POP7: variants seen among roughly 807,000 people sequenced by gnomAD.
POP7 encodes the protein POP7 ribonuclease P/MRP subunit.
In POP7, 5 loss-of-function variants were observed where a neutral mutation model predicts 7.5. The observed-to-expected ratio is 0.66, with a 90% CI of 0.35 to 1.40. The LOEUF (loss-of-function observed/expected upper bound fraction) is 1.40. Ranked by LOEUF, POP7 falls within the 40% of genes most tolerant of loss-of-function variation. The probability of loss-of-function intolerance (pLI) is 0.04; values close to 1 mark genes in which losing one functional copy is unlikely to be tolerated. For synonymous variants in POP7, 85 were observed against 81.6 expected, an observed-to-expected ratio of 1.04 and a Z score of -0.23; for missense variants, 170 against 189.1, an observed-to-expected ratio of 0.90 and a Z score of 0.59.
Position 100,707,139 on chromosome 7 carries a change from C to T in POP7, c.309C>T (p.Ser103=), listed in dbSNP as rs1488813207. The T allele has an allele frequency of 1.2e-6, 2 of 1,614,200 alleles. No homozygotes were observed. Among genetic ancestry groups the T allele is most frequent in the South Asian group, 2.2e-5 (2 of 91,088 alleles). Residue 103 remains serine (S), a synonymous_variant, in exon 2 of 2, where the codon TCC becomes TCT. Coordinates refer to ENST00000303151, the MANE Select transcript of POP7 (RefSeq NM_005837.3). ...CCTTGCAGGTGGCTGCCAATACCTC[C>T]ACCGTGGAGCTTGTTGATGAGCTGG... ...FGSLQVAANT[S]TVELVDELEP...
At chr7:100,706,764 T>C in intron 1 of POP7, 57 bp from the exon 2 acceptor site, 1 of 1,537,324 alleles carries the variant, frequency 6.5e-7, no homozygotes, top group Middle Eastern at 2.2e-4. Flanking sequence ...GGAAAAGGGG[T>C]AGGAAAGGCT....
Position 100,707,166 on chromosome 7 carries a change from G to C in POP7, c.336G>C (p.Glu112Asp). 6.2e-7 allele frequency: 1 copy of C among 1,614,218 alleles called. No individual in the cohort carries two copies. Among genetic ancestry groups the C allele is most frequent in the South Asian group, 1.1e-5 (1 of 91,086 alleles). Reference protein sequence around the residue: ...TSTVELVDELEPETDTREPLT... With the variant: ...TSTVELVDELDPETDTREPLT... Reference sequence around the variant, plus strand: ...CCGTGGAGCTTGTTGATGAGCTGGAGCCAGAGACCGACACACGGGAGCCAC... The same window carrying C: ...CCGTGGAGCTTGTTGATGAGCTGGACCCAGAGACCGACACACGGGAGCCAC... Residue 112 changes from glutamate to aspartate, a missense_variant, in exon 2 of 2, where the codon GAG becomes GAC. Transcript: ENST00000303151.
rs150880640 is a variant in POP7 at position 100,707,112 on chromosome 7, G to T, written c.282G>T (p.Gly94=). The T allele has an allele frequency of 1.2e-4, 189 of 1,614,010 alleles. 1 individual carries two copies. The highest frequency in any genetic ancestry group is 3.0e-4 in the Admixed American group (18 of 59,998). ...TGCAGCTGCAGGCGGGCAGCTTCGG[G>T]TCCTTGCAGGTGGCTGCCAATACCT... The part of the protein sequence containing the change: ...IALQLQAGSF[G]SLQVAANTST... The change falls in exon 2 of 2, where the codon GGG becomes GGT. Residue 94 remains glycine (G), a synonymous_variant. Coordinates refer to ENST00000303151, the MANE Select transcript of POP7 (RefSeq NM_005837.3).
Position 100,707,415 on chromosome 7 carries a change from G to C in POP7, c.*162G>C. On this transcript the variant is annotated 3_prime_UTR_variant, in exon 2 of 2. Coordinates refer to ENST00000303151, the MANE Select transcript of POP7 (RefSeq NM_005837.3). ...AATTGTCTCTTGGTGGGCCCAGTTA[G>C]TGGGCCTTCCTGAGTGTGTGTATGC... is the stretch of plus-strand genomic sequence containing the variant. 1.3e-6 allele frequency: 1 copy of C among 796,226 alleles called. No individual in the cohort carries two copies. The highest frequency in any genetic ancestry group is 2.0e-6 in the Non-Finnish European group (1 of 501,462). The allele number at this position is 796,226 out of a possible 1,614,324, so 49.3% of individuals were successfully genotyped here. A position where few individuals can be genotyped will look rare whatever the true frequency, so the allele number is the denominator to read the frequency against.
rs1010233821 is a variant in POP7, at chr7:100,706,135, T to G, written c.-180T>G. On this transcript the variant is annotated 5_prime_UTR_variant, in exon 1 of 2. Coordinates refer to ENST00000303151, the MANE Select transcript of POP7 (RefSeq NM_005837.3). ...CGCGCGTGCGCACTCCGCAGCCCGTTCAGGACCCCGGCGCGGGCAGGGCGC... is the reference window on the plus strand; with the variant it reads ...CGCGCGTGCGCACTCCGCAGCCCGTGCAGGACCCCGGCGCGGGCAGGGCGC... The G allele has an allele frequency of 1.3e-5, 2 of 152,650 alleles. No individual in the cohort carries two copies. Among genetic ancestry groups the G allele is most frequent in the Non-Finnish European group, 2.9e-5 (2 of 68,336 alleles). 9.5% of individuals were successfully genotyped at this position (152,650 alleles called of 1,614,324 possible). A position where few individuals can be genotyped will look rare whatever the true frequency, so the allele number is the denominator to read the frequency against.
chr7:100,706,407 G>C (rs1806518142), intron 1 of POP7, 103 bp downstream of exon 1: 1 of 164,578 alleles, frequency 6.1e-6, no homozygotes, highest in Admixed American at 5.9e-5. Flanking sequence ...GTGAGTGGGA[G>C]AGGACGAGGG....
rs181336565 is a variant in POP7, at chr7:100,706,750, T to C, written c.-10-71T>C. On this transcript the variant is annotated intron_variant, in intron 1 of 1. Transcript: ENST00000303151. ...ACTGCCCGGCCAGGTGCACCCTTTG[T>C]ACAGGAAAAGGGGTAGGAAAGGCTT... The C allele has an allele frequency of 1.4e-4, 211 of 1,481,670 alleles. 1 individual carries two copies. The East Asian group carries it at 3.6e-3, about 25-fold the overall frequency. The allele number at this position is 1,481,670 out of a possible 1,614,324, so 91.8% of individuals were successfully genotyped here.
Position 100,707,436 on chromosome 7 carries a change from T to C in POP7, c.*183T>C, listed in dbSNP as rs1223524314. On this transcript the variant is annotated 3_prime_UTR_variant, in exon 2 of 2. Transcript: ENST00000303151. ...GTTAGTGGGCCTTCCTGAGTGTGTG[T>C]ATGCGGTCTGTAACTATTGCCATAT... 4.5e-6 allele frequency: 3 copies of C among 668,838 alleles called. No individual in the cohort carries two copies. The highest frequency in any genetic ancestry group is 5.2e-6 in the Non-Finnish European group (2 of 388,174). The allele number at this position is 668,838 out of a possible 1,614,324, so 41.4% of individuals were successfully genotyped here. A position where few individuals can be genotyped will look rare whatever the true frequency, so the allele number is the denominator to read the frequency against.
rs1584526323 is a variant in POP7 at position 100,707,437 on chromosome 7, A to G, written c.*184A>G. On this transcript the variant is annotated 3_prime_UTR_variant, in exon 2 of 2. Transcript: ENST00000303151. ...TTAGTGGGCCTTCCTGAGTGTGTGT[A>G]TGCGGTCTGTAACTATTGCCATATA... 6 of 665,614 alleles carry G rather than the reference A, an allele frequency of 9.0e-6. No individual in the cohort carries two copies. In the East Asian group the frequency reaches 1.7e-4, roughly 18 times the overall value. 41.2% of individuals were successfully genotyped at this position (665,614 alleles called of 1,614,324 possible). A position where few individuals can be genotyped will look rare whatever the true frequency, so the allele number is the denominator to read the frequency against.
Position 100,707,176 on chromosome 7 carries a change from G to A in POP7, c.346G>A (p.Asp116Asn), listed in dbSNP as rs1584526193. The change falls in exon 2 of 2, where the codon GAC becomes AAC. Residue 116 changes from aspartate (D) to asparagine (N), a missense_variant. Physicochemically the swap from Asp to Asn is conservative, Grantham distance 23. Transcript: ENST00000303151. ...TGTTGATGAGCTGGAGCCAGAGACCGACACACGGGAGCCACTGACTCGGAT... is the reference window on the plus strand; with the variant it reads ...TGTTGATGAGCTGGAGCCAGAGACCAACACACGGGAGCCACTGACTCGGAT... ...ELVDELEPET[D>N]TREPLTRIRN... is the part of the protein sequence containing the mutation. 6.2e-7 allele frequency: 1 copy of A among 1,614,058 alleles called. No individual in the cohort carries two copies. Among genetic ancestry groups the A allele is most frequent in the African/African-American group, 1.3e-5 (1 of 74,916 alleles).
rs1240453744 is a variant in POP7 at position 100,706,216 on chromosome 7, C to G, written c.-99C>G. 1 of 153,042 alleles carries G rather than the reference C, an allele frequency of 6.5e-6. No homozygotes were observed. 9.5% of individuals were successfully genotyped at this position (153,042 alleles called of 1,614,324 possible). A position where few individuals can be genotyped will look rare whatever the true frequency, so the allele number is the denominator to read the frequency against. On this transcript the variant is annotated 5_prime_UTR_variant, in exon 1 of 2. Coordinates refer to ENST00000303151, the MANE Select transcript of POP7 (RefSeq NM_005837.3). ...TCCTTCTTTCTCTGGGACCTGGGGTCGCGGTTACTTGGGCTGGCCGGCGAA... is the reference window on the plus strand; with the variant it reads ...TCCTTCTTTCTCTGGGACCTGGGGTGGCGGTTACTTGGGCTGGCCGGCGAA...
Position 100,707,219 on chromosome 7 carries a change from T to A in POP7, c.389T>A (p.Ile130Asn). The A allele has an allele frequency of 6.2e-7, 1 of 1,614,104 alleles. No homozygotes were observed. Among genetic ancestry groups the A allele is most frequent in the Non-Finnish European group, 8.5e-7 (1 of 1,179,982 alleles). ...PLTRIRNNSAIHIRVFRVTPK is the reference protein window; with the variant it reads ...PLTRIRNNSANHIRVFRVTPK ...ACTCGGATCCGCAACAACTCAGCCATCCACATCCGAGTCTTCAGGGTCACA... is the reference window on the plus strand; with the variant it reads ...ACTCGGATCCGCAACAACTCAGCCAACCACATCCGAGTCTTCAGGGTCACA... Residue 130 changes from isoleucine (I) to asparagine (N), a missense_variant, in exon 2 of 2, where the codon ATC (isoleucine) becomes AAC (asparagine). Ile to Asn is a moderately radical substitution (Grantham distance 149). Transcript: ENST00000303151.
chr7:100,707,143 G>T lies in POP7; in HGVS notation c.313G>T (p.Val105Leu). 1.9e-6 allele frequency: 3 copies of T among 1,614,206 alleles called. No individual in the cohort carries two copies. Among genetic ancestry groups the T allele is most frequent in the African/African-American group, 2.7e-5 (2 of 75,072 alleles). Residue 105 changes from valine to leucine, a missense_variant, in exon 2 of 2, where the codon GTG becomes TTG. By Grantham distance (32) the Val-to-Leu change is conservative. Transcript: ENST00000303151. ...SLQVAANTSTVELVDELEPET... is the reference protein window; with the variant it reads ...SLQVAANTSTLELVDELEPET... ...GCAGGTGGCTGCCAATACCTCCACC[G>T]TGGAGCTTGTTGATGAGCTGGAGCC... is the stretch of plus-strand genomic sequence containing the variant.
chr7:100,707,348 GT>G lies in POP7; in HGVS notation c.*97del, dbSNP rs1253418330. ...ACCAGAGCCATGTAAGAAAAGGCCT[GT>G]TCCCTGGAAGCCCAAAGGACTCTGC... On this transcript the variant is annotated 3_prime_UTR_variant, in exon 2 of 2. Transcript: ENST00000303151. 11 of 1,401,162 alleles carry G rather than the reference GT, an allele frequency of 7.9e-6. No individual in the cohort carries two copies. In the African/African-American group the frequency reaches 1.6e-4, roughly 20 times the overall value. The allele number at this position is 1,401,162 out of a possible 1,614,324, so 86.8% of individuals were successfully genotyped here. A position where few individuals can be genotyped will look rare whatever the true frequency, so the allele number is the denominator to read the frequency against.
chr7:100,706,538 G>A (rs970786449), intron 1 of POP7: 44 of 425,940 alleles, frequency 1.0e-4, no homozygotes, highest in Non-Finnish European at 5.9e-5. Flanking sequence ...AGTGGCGGGC[G>A]CGATCACGGC....
chr7:100,706,469 ATTTTTG>A lies in POP7; in HGVS notation c.-11+181_-11+186del, dbSNP rs566743436. The A allele has an allele frequency of 2.9e-3, 612 of 213,694 alleles. 4 individuals are homozygous for A. The highest frequency in any genetic ancestry group is 0.013 in the African/African-American group (544 of 43,224). The allele number at this position is 213,694 out of a possible 1,614,324, so 13.2% of individuals were successfully genotyped here. A position where few individuals can be genotyped will look rare whatever the true frequency, so the allele number is the denominator to read the frequency against. On this transcript the variant is annotated intron_variant, in intron 1 of 1. Coordinates refer to ENST00000303151, the MANE Select transcript of POP7 (RefSeq NM_005837.3). The stretch of plus-strand genomic sequence containing the variant: ...GTGTCCCTTCTCGGGTGCACCCTTT[ATTTTTG>A]TTTTTGTTTTTGTTTGAGACAGAGG...
At chr7:100,706,783 C>G (rs759563721) in intron 1 of POP7, 38 bp from the exon 2 acceptor site, 2 of 1,584,668 alleles carry the variant, frequency 1.3e-6, no homozygotes, top group African/African-American at 2.7e-5. Context: ...CTTCGAGGTC[C>G]CTCTGAGCCC....
At position 100,707,363 on chromosome 7, in the gene POP7, A is replaced by T. The variant is rs919294390; in HGVS notation, c.*110A>T. The T allele has an allele frequency of 7.7e-7, 1 of 1,300,486 alleles. No individual in the cohort carries two copies. Among genetic ancestry groups the T allele is most frequent in the Middle Eastern group, 1.9e-4 (1 of 5,246 alleles). 80.6% of individuals were successfully genotyped at this position (1,300,486 alleles called of 1,614,324 possible). A position where few individuals can be genotyped will look rare whatever the true frequency, so the allele number is the denominator to read the frequency against. On this transcript the variant is annotated 3_prime_UTR_variant, in exon 2 of 2. Transcript: ENST00000303151. ...GAAAAGGCCTGTTCCCTGGAAGCCCAAAGGACTCTGCATTGAGGGTGGGGG... is the reference window on the plus strand; with the variant it reads ...GAAAAGGCCTGTTCCCTGGAAGCCCTAAGGACTCTGCATTGAGGGTGGGGG...
At position 100,707,446 on chromosome 7, in the gene POP7, G is replaced by A. The variant is rs1410581976; in HGVS notation, c.*193G>A. On this transcript the variant is annotated 3_prime_UTR_variant, in exon 2 of 2. Transcript: ENST00000303151. ...CTTCCTGAGTGTGTGTATGCGGTCT[G>A]TAACTATTGCCATATAAATAAAAAA... 1 of 628,036 alleles carries A rather than the reference G, an allele frequency of 1.6e-6. No homozygotes were observed. Among genetic ancestry groups the A allele is most frequent in the African/African-American group, 1.8e-5 (1 of 54,156 alleles). The allele number at this position is 628,036 out of a possible 1,614,324, so 38.9% of individuals were successfully genotyped here. A position where few individuals can be genotyped will look rare whatever the true frequency, so the allele number is the denominator to read the frequency against.
Sources: allele counts gnomAD v4.1 joint callset, GRCh38; gene constraint gnomAD v4.1.1; transcripts MANE v1.5; gene names NCBI Gene and HGNC (gene_info 2026-07-23, HGNC 2026-07-21).